LAMA3: variants seen among roughly 807,000 people sequenced by gnomAD.
The protein encoded by LAMA3 is laminin subunit alpha 3.
A neutral mutation model predicts 402.0 loss-of-function variants in LAMA3; 281 were observed. The ratio of observed to expected loss-of-function variants is 0.70; its 90% CI spans 0.63 to 0.77. LAMA3 has a LOEUF of 0.77. Among genes scored for constraint, LAMA3 ranks in the 30% least tolerant of loss-of-function variants. The probability of loss-of-function intolerance (pLI) is 0.00; values close to 1 mark genes in which losing one functional copy is unlikely to be tolerated. For synonymous variants in LAMA3, 1,431 were observed against 1,558.4 expected, an observed-to-expected ratio of 0.92 and a Z score of 1.93; for missense variants, 3,840 against 4,215.5, an observed-to-expected ratio of 0.91 and a Z score of 2.47.
intron 2 of LAMA3, among the ~76,000 whole-genome samples, chr18:23,720,082 T>G (rs1468571888): frequency 6.6e-6 from 1 of 152,216 alleles, no homozygotes; most frequent in Non-Finnish European, 1.5e-5. Flanking sequence ...TAATAAATAT[T>G]TGCTGAGTTA....
chr18:23,934,021 G>A lies in LAMA3; in HGVS notation c.8862+86G>A, dbSNP rs1467521731. 5.3e-6 allele frequency: 7 copies of A among 1,316,572 alleles called. No individual in the cohort carries two copies. The African/African-American group carries it at 8.7e-5, about 16-fold the overall frequency. The allele number at this position is 1,316,572 out of a possible 1,614,324, so 81.6% of individuals were successfully genotyped here. A position where few individuals can be genotyped will look rare whatever the true frequency, so the allele number is the denominator to read the frequency against. ...CTTGTGGGAGATATTGGGGAAGGGG[G>A]TGAGAGCTCACCAGTCCATAAAGTG... is the stretch of plus-strand genomic sequence containing the variant. On this transcript the variant is annotated intron_variant, in intron 67 of 74. Coordinates refer to ENST00000313654, the MANE Select transcript of LAMA3 (RefSeq NM_198129.4).
chr18:23,728,358 G>T (rs960668593), intron 2 of LAMA3, among the ~76,000 whole-genome samples: 23 of 152,124 alleles, frequency 1.5e-4, no homozygotes, highest in African/African-American at 5.1e-4. Context: ...TCCCCCAGCT[G>T]CCTCTGTTGG....
At chr18:23,763,192 G>A (rs781063805) in intron 7 of LAMA3, among the ~76,000 whole-genome samples, 6 of 151,968 alleles carry the variant, frequency 3.9e-5, no homozygotes, top group Non-Finnish European at 7.4e-5. Context: ...GAGAAACTTC[G>A]CTCATGGAAT....
chr18:23,928,029 G>A (rs2082056825), intron 62 of LAMA3, 94 bp from the exon 63 acceptor site: 1 of 864,774 alleles, frequency 1.2e-6, no homozygotes, highest in East Asian at 2.4e-5. Flanking sequence ...ACTCATTTAT[G>A]GGTGAAAAGT....
chr18:23,810,224 G>C, intron 12 of LAMA3, 142 bp from the exon 13 acceptor site: 1 of 947,472 alleles, frequency 1.1e-6, no homozygotes, highest in East Asian at 2.5e-5. Flanking sequence ...CTTGTTTCAG[G>C]TTCCCGATCT....
intron 56 of LAMA3, among the ~76,000 whole-genome samples, chr18:23,913,255 C>T (rs151105032): frequency 5.9e-5 from 9 of 152,328 alleles, no homozygotes; most frequent in Admixed American, 5.2e-4. Context: ...AGTAGCTCCT[C>T]CTCACAGAAT....
intron 41 of LAMA3, among the ~76,000 whole-genome samples, chr18:23,888,733 A>AT (rs1215131370): frequency 6.6e-6 from 1 of 151,958 alleles, no homozygotes; most frequent in Non-Finnish European, 1.5e-5. Flanking sequence ...GAATTGCCTA[A>AT]TTTTTTTTGA....
At position 23,689,915 on chromosome 18, in the gene LAMA3, C is replaced by G; in HGVS notation, c.232C>G (p.Pro78Ala). 1 of 1,533,342 alleles carries G rather than the reference C, an allele frequency of 6.5e-7. No homozygotes were observed. The highest frequency in any genetic ancestry group is 8.8e-7 in the Non-Finnish European group (1 of 1,140,184). The allele number at this position is 1,533,342 out of a possible 1,614,324, so 95.0% of individuals were successfully genotyped here. ...GGGACCCGGCGAGGGGAGGCCCCAG[C>G]CCGAGCTCTACTGCAAGTTGGTCGG... ...ERGPGEGRPQ[P>A]ELYCKLVGGP... Residue 78 changes from proline to alanine, a missense_variant, in exon 1 of 75, where the codon CCC becomes GCC. Around this residue, in one of 3 missense-constraint regions of LAMA3, gnomAD observed 2,109 missense variants for 2,376.0 expected, o/e 0.89. Transcript: ENST00000313654.
At chr18:23,764,596 A>ATTT (rs765818716) in intron 8 of LAMA3, among the ~76,000 whole-genome samples, 1 of 134,168 alleles carries the variant, frequency 7.5e-6, no homozygotes, top group East Asian at 2.1e-4. Context: ...CTGCAAAAAC[A>ATTT]TTTTTTTTTT....
chr18:23,858,124 AG>A, intron 33 of LAMA3, 136 bp downstream of exon 33: 1 of 1,075,436 alleles, frequency 9.3e-7, no homozygotes, highest in Non-Finnish European at 1.4e-6. Context: ...AGCATTTTAT[AG>A]TCACGATCTC....
intron 7 of LAMA3, among the ~76,000 whole-genome samples, chr18:23,759,142 C>A (rs1249430420): frequency 7.3e-5 from 11 of 151,502 alleles, no homozygotes; most frequent in Non-Finnish European, 1.6e-4. Flanking sequence ...AGTTGGAAAC[C>A]AGCCTAGGCA....
At chr18:23,745,173 ATGTG>A (rs55780622) in intron 2 of LAMA3, among the ~76,000 whole-genome samples, 284 of 149,024 alleles carry the variant, frequency 1.9e-3, no homozygotes, top group African/African-American at 6.6e-3. Context: ...AGAATCAAAA[ATGTG>A]TGTGTGTGTG....
intron 42 of LAMA3, among the ~76,000 whole-genome samples, chr18:23,893,456 G>A (rs181133086): frequency 2.8e-4 from 43 of 152,172 alleles, no homozygotes; most frequent in East Asian, 5.8e-4. Flanking sequence ...GGTGGTGCGC[G>A]CCTGTAGTCC....
Position 23,763,504 on chromosome 18 carries a change from G to A in LAMA3, c.1163G>A (p.Gly388Glu), listed in dbSNP as rs775303273. The A allele has an allele frequency of 6.2e-7, 1 of 1,606,684 alleles. No homozygotes were observed. Residue 388 changes from glycine (G) to glutamate (E), a missense_variant, in exon 8 of 75, where the codon GGG becomes GAG. Around this residue, in one of 3 missense-constraint regions of LAMA3, gnomAD observed 2,109 missense variants for 2,376.0 expected, o/e 0.89. Transcript: ENST00000313654. ...ACCCAGGGCATCTATGCTGGTGGAGGGGTCTGCATTAACTGTCAGGTGAGG... is the reference window on the plus strand; with the variant it reads ...ACCCAGGGCATCTATGCTGGTGGAGAGGTCTGCATTAACTGTCAGGTGAGG... ...LNTQGIYAGG[G>E]VCINCQHNTA...
At chr18:23,916,932 G>A (rs1000435255) in intron 60 of LAMA3, among the ~76,000 whole-genome samples, 6 of 150,960 alleles carry the variant, frequency 4.0e-5, no homozygotes, top group African/African-American at 7.3e-5. Flanking sequence ...TAGGTAAATC[G>A]CATGTCACAG....
chr18:23,901,134 C>A lies in LAMA3; in HGVS notation c.6012C>A (p.Asn2004Lys). ...TGAGGTGATGTATTACAGTGCTGAA[C>A]CGGATAAGGACCTGGCAGAAAACCC... ...ADKRESQLLLNRIRTWQKTHQ... is the reference protein window; with the variant it reads ...ADKRESQLLLKRIRTWQKTHQ... Residue 2004 changes from asparagine (N) to lysine (K), a missense_variant, in exon 48 of 75, where the codon AAC becomes AAA. Coordinates refer to ENST00000313654, the MANE Select transcript of LAMA3 (RefSeq NM_198129.4). 1 of 1,613,898 alleles carries A rather than the reference C, an allele frequency of 6.2e-7. No homozygotes were observed. The highest frequency in any genetic ancestry group is 8.5e-7 in the Non-Finnish European group (1 of 1,179,814).
chr18:23,829,866 A>C, intron 23 of LAMA3, among the ~76,000 whole-genome samples: 1 of 152,144 alleles, frequency 6.6e-6, no homozygotes, highest in Non-Finnish European at 1.5e-5. Flanking sequence ...AAGTGAGAAC[A>C]TGCAGTATTT....
chr18:23,920,152 G>A (rs1409018445), intron 60 of LAMA3, among the ~76,000 whole-genome samples: 3 of 152,174 alleles, frequency 2.0e-5, no homozygotes, highest in Admixed American at 2.0e-4. Flanking sequence ...GTGCATGCAG[G>A]GGGCAGGCTG....
At chr18:23,928,944 A>G (rs936827763) in intron 64 of LAMA3, among the ~76,000 whole-genome samples, 179 bp downstream of exon 64, 1 of 152,256 alleles carries the variant, frequency 6.6e-6, no homozygotes, top group African/African-American at 2.4e-5. Flanking sequence ...AGGTCCTCAA[A>G]GAAATCAAGT....
Sources: allele counts gnomAD v4.1 joint callset (sites outside exome capture counted in the v4.1 genomes callset), GRCh38; gene constraint gnomAD v4.1.1; regional missense constraint gnomAD v4.1.1; transcripts MANE v1.5; gene names NCBI Gene and HGNC (gene_info 2026-07-23, HGNC 2026-07-21).